PRTFDC1: variants seen among roughly 807,000 people sequenced by gnomAD.
The protein encoded by PRTFDC1 is phosphoribosyl transferase domain containing 1, also known as phosphoribosyltransferase domain-containing protein 1.
A neutral mutation model predicts 34.6 loss-of-function variants in PRTFDC1; 38 were observed. The observed-to-expected ratio is 1.10, with a 90% CI of 0.85 to 1.44. The LOEUF (loss-of-function observed/expected upper bound fraction) is 1.44, where lower values mean the gene tolerates loss of function less well. Among genes scored for constraint, PRTFDC1 ranks in the 40% most tolerant of loss-of-function variants. The probability of loss-of-function intolerance (pLI) is 0.00; values close to 1 mark genes in which losing one functional copy is unlikely to be tolerated. For synonymous variants in PRTFDC1, 93 were observed against 98.1 expected (o/e 0.95, Z 0.31); for missense variants, 270 against 283.0 (o/e 0.95, Z 0.33).
At chr10:24,910,471 A>T (rs902528892) in intron 3 of PRTFDC1, among the ~76,000 whole-genome samples, 2 of 152,326 alleles carry the variant, frequency 1.3e-5, no homozygotes, top group Non-Finnish European at 1.5e-5. Context: ...TGCACATGAA[A>T]ATACAGTGTA....
In PRTFDC1 at chr10:24,949,812, G is replaced by A. The variant is rs199740545; in HGVS notation, c.48+2716C>T. On this transcript the variant is annotated intron_variant, in intron 1 of 8. Coordinates refer to ENST00000320152, the MANE Select transcript of PRTFDC1 (RefSeq NM_020200.7). ...TGCAATGGTGCAATCTTGGATTGCT[G>A]CAACCTCCACCTTCCGGATTCAAGC... Among the ~76,000 whole-genome samples the A allele has an allele frequency of 3.3e-5, 5 of 151,092 alleles. No homozygotes were observed. The East Asian group carries it at 9.7e-4, about 29-fold the overall frequency.
At chr10:24,883,343 T>A (rs1848112205) in intron 3 of PRTFDC1, among the ~76,000 whole-genome samples, 1 of 152,078 alleles carries the variant, frequency 6.6e-6, no homozygotes, top group Non-Finnish European at 1.5e-5. Flanking sequence ...AAAGGGGTCC[T>A]GGTTAGCTAA....
chr10:24,894,829 T>C (rs186455812), intron 3 of PRTFDC1, among the ~76,000 whole-genome samples: 32 of 152,304 alleles, frequency 2.1e-4, no homozygotes, highest in Non-Finnish European at 4.3e-4. Flanking sequence ...TGTGTATGCC[T>C]TGGGCAAATG....
intron 3 of PRTFDC1, among the ~76,000 whole-genome samples, chr10:24,885,220 C>T (rs1307334623): frequency 6.6e-6 from 1 of 152,198 alleles, no homozygotes; most frequent in African/African-American, 2.4e-5. Flanking sequence ...ATGTTAGGGG[C>T]AAGCCTGACT....
intron 3 of PRTFDC1, among the ~76,000 whole-genome samples, chr10:24,925,785 C>G (rs1007152982): frequency 6.6e-6 from 1 of 152,216 alleles, no homozygotes; most frequent in Non-Finnish European, 1.5e-5. Context: ...CCTATCCCCA[C>G]TTCATCTACT....
At position 24,952,351 on chromosome 10, in the gene PRTFDC1, G is replaced by A. The variant is rs549914405; in HGVS notation, c.48+177C>T. 3.9e-4 allele frequency among the ~76,000 whole-genome samples: 59 copies of A among 152,064 alleles called. No individual in the cohort carries two copies. The highest frequency in any genetic ancestry group is 7.3e-4 in the Non-Finnish European group (50 of 68,030). On this transcript the variant is annotated intron_variant, in intron 1 of 8. Coordinates refer to ENST00000320152, the MANE Select transcript of PRTFDC1 (RefSeq NM_020200.7). This position sits in a 1 kb window ranked among gnomAD's most constrained non-coding sequence, Gnocchi z 5.1. ...AGGGACGGGACTCAGAGTTTCGTCAGATTGGGGGCGGGGAGAGGAGGCCCG... is the reference window on the plus strand; with the variant it reads ...AGGGACGGGACTCAGAGTTTCGTCAAATTGGGGGCGGGGAGAGGAGGCCCG...
At chr10:24,858,269 G>A (rs1847616769) in intron 5 of PRTFDC1, 123 bp downstream of exon 5, 1 of 968,660 alleles carries the variant, frequency 1.0e-6, no homozygotes, top group Non-Finnish European at 1.6e-6. Context: ...ATTAAATTTG[G>A]AGAGCATGCA....
intron 4 of PRTFDC1, among the ~76,000 whole-genome samples, chr10:24,866,532 T>G (rs746441122): frequency 6.6e-6 from 1 of 152,114 alleles, no homozygotes; most frequent in Non-Finnish European, 1.5e-5. Flanking sequence ...CTCGTGAATA[T>G]GAATAAAATC....
intron 3 of PRTFDC1, among the ~76,000 whole-genome samples, chr10:24,884,254 A>G (rs1260897235): frequency 6.6e-6 from 1 of 152,184 alleles, no homozygotes; most frequent in Non-Finnish European, 1.5e-5. Context: ...GCTCTCATGA[A>G]ACTGTTTTAA....
At chr10:24,909,126 CA>C (rs1229818877) in intron 3 of PRTFDC1, among the ~76,000 whole-genome samples, 1 of 152,052 alleles carries the variant, frequency 6.6e-6, no homozygotes, top group Non-Finnish European at 1.5e-5. Context: ...AACAAAAAGC[CA>C]AAAAACACCC....
At chr10:24,951,417 C>T (rs1164031902) in intron 1 of PRTFDC1, 3 of 413,232 alleles carry the variant, frequency 7.3e-6, no homozygotes, top group African/African-American at 2.2e-5. Context: ...GGACAATAAA[C>T]GTGTGGAATG....
chr10:24,917,715 T>G (rs901445480), intron 3 of PRTFDC1, among the ~76,000 whole-genome samples: 1 of 152,170 alleles, frequency 6.6e-6, no homozygotes, highest in Non-Finnish European at 1.5e-5. Context: ...ATGGATTTAC[T>G]AGTGGATTCC....
intron 4 of PRTFDC1, among the ~76,000 whole-genome samples, chr10:24,865,616 G>T (rs1847760966): frequency 6.6e-6 from 1 of 152,066 alleles, no homozygotes; most frequent in Non-Finnish European, 1.5e-5. Context: ...ATCACAAGGG[G>T]TTTCCTAACA....
In PRTFDC1 at chr10:24,876,408, T is replaced by A. The variant is rs562445189; in HGVS notation, c.340-4345A>T. The stretch of plus-strand genomic sequence containing the variant: ...ACAGGATTAATTTCTTTTTAAAAAA[T>A]TTTATGGCCAAGGGCGGTGGCTCAC... On this transcript the variant is annotated intron_variant, in intron 3 of 8. Coordinates refer to ENST00000320152, the MANE Select transcript of PRTFDC1 (RefSeq NM_020200.7). 1.3e-4 allele frequency among the ~76,000 whole-genome samples: 19 copies of A among 151,928 alleles called. No individual in the cohort carries two copies. The South Asian group carries it at 3.3e-3, about 27-fold the overall frequency.
At chr10:24,852,214 G>A (rs1022349538) in intron 7 of PRTFDC1, among the ~76,000 whole-genome samples, 22 of 151,438 alleles carry the variant, frequency 1.5e-4, no homozygotes, top group African/African-American at 3.6e-4. Context: ...ACCGAGTCTC[G>A]CGATCTTGGC....
chr10:24,872,751 TGCACAC>T, intron 3 of PRTFDC1, among the ~76,000 whole-genome samples: 1 of 145,686 alleles, frequency 6.9e-6, no homozygotes, highest in Non-Finnish European at 1.5e-5. Context: ...CAAATATATG[TGCACAC>T]GTGTGTGTGT....
chr10:24,851,437 A>G lies in PRTFDC1; in HGVS notation c.581T>C (p.Phe194Ser), dbSNP rs776916099. The change falls in exon 8 of 9, where the codon TTT (phenylalanine) becomes TCT (serine). Residue 194 changes from phenylalanine (F) to serine (S), a missense_variant. Physicochemically the swap from Phe to Ser is radical, Grantham distance 155 (BLOSUM62 -2). Transcript: ENST00000320152. ...DYAGFEIPNL[F>S]VVGYALDYNE... Reference sequence around the variant, plus strand: ...GTAATCTAAGGCATATCCCACCACAAATAAGTTTGGAATCTCAAATCCAGC... The same window carrying G: ...GTAATCTAAGGCATATCCCACCACAGATAAGTTTGGAATCTCAAATCCAGC... The G allele has an allele frequency of 1.2e-6, 2 of 1,612,472 alleles. No individual in the cohort carries two copies. Among genetic ancestry groups the G allele is most frequent in the African/African-American group, 1.3e-5 (1 of 75,004 alleles).
chr10:24,935,771 A>G (rs1189660941), intron 3 of PRTFDC1, among the ~76,000 whole-genome samples: 1 of 152,210 alleles, frequency 6.6e-6, no homozygotes, highest in African/African-American at 2.4e-5. Context: ...GAAGAAGCAA[A>G]CAGCTAATGG....
intron 3 of PRTFDC1, among the ~76,000 whole-genome samples, chr10:24,875,240 G>T (rs1204728421): frequency 6.6e-6 from 1 of 152,166 alleles, no homozygotes; most frequent in Non-Finnish European, 1.5e-5. Flanking sequence ...CAACACTTCA[G>T]ATATTTATCA....
Sources: gnomAD v4.1 joint callset for allele counts (sites outside exome capture counted in the v4.1 genomes callset) on GRCh38, gnomAD v4.1.1 for gene constraint, Gnocchi (gnomAD v3.1) non-coding constraint, MANE v1.5 for transcripts, NCBI Gene and HGNC (gene_info 2026-07-23, HGNC 2026-07-21) for gene names.